The following RAPGEF2 variants were observed in gnomAD, a reference collection of about 807,000 sequenced individuals.
RAPGEF2 encodes PDZ domain containing guanine nucleotide exchange factor (GEF) 1.
RAPGEF2 carries 54 observed loss-of-function variants against 186.7 expected under a neutral mutation model. The observed-to-expected ratio is 0.29, with a 90% CI of 0.23 to 0.36. The LOEUF is 0.36. RAPGEF2 is among the 10% of genes least tolerant of loss of function. The pLI is 1.00. For synonymous variants in RAPGEF2, 712 were observed against 705.9 expected (o/e 1.01, Z -0.14); for missense variants, 1,532 against 2,045.0 (o/e 0.75, Z 4.84).
At chr4:159,183,929 C>G (rs557236133) in intron 1 of RAPGEF2, among the ~76,000 whole-genome samples, 1 of 152,202 alleles carries the variant, frequency 6.6e-6, no homozygotes, top group South Asian at 2.1e-4. Flanking sequence ...GTGTGATGTT[C>G]CCCACCCTGT....
intron 7 of RAPGEF2, among the ~76,000 whole-genome samples, chr4:159,247,873 C>G (rs896938288): frequency 6.7e-6 from 1 of 148,206 alleles, no homozygotes; most frequent in Non-Finnish European, 1.5e-5. Context: ...AGCGATTCTC[C>G]TGCCTCAGCC....
At chr4:159,152,782 T>G (rs558857870) in intron 1 of RAPGEF2, among the ~76,000 whole-genome samples, 1 of 152,278 alleles carries the variant, frequency 6.6e-6, no homozygotes, top group African/African-American at 2.4e-5. Context: ...CACGCCTGGC[T>G]AATTTTTTTT....
intron 4 of RAPGEF2, among the ~76,000 whole-genome samples, chr4:159,227,163 G>T (rs1406314842): frequency 6.6e-6 from 1 of 152,166 alleles, no homozygotes; most frequent in Non-Finnish European, 1.5e-5. Flanking sequence ...AATATCAGAT[G>T]TTTAGTTCTG....
chr4:159,250,723 T>C (rs948183245), intron 7 of RAPGEF2, among the ~76,000 whole-genome samples: 2 of 144,040 alleles, frequency 1.4e-5, no homozygotes, highest in African/African-American at 5.3e-5. Flanking sequence ...CAAGCTGGAG[T>C]GCAGTGGCGT....
At chr4:159,233,675 A>G (rs1267063479) in intron 4 of RAPGEF2, among the ~76,000 whole-genome samples, 1 of 152,160 alleles carries the variant, frequency 6.6e-6, no homozygotes. Context: ...TGCAGCGTAT[A>G]CTGCTTGGAT....
intron 3 of RAPGEF2, among the ~76,000 whole-genome samples, chr4:159,204,481 A>T (rs968501608): frequency 1.3e-5 from 2 of 152,162 alleles, no homozygotes; most frequent in Admixed American, 6.5e-5. Flanking sequence ...CCTCATGCCC[A>T]TTATTCTTTG....
At chr4:159,196,638 T>C (rs962032458) in intron 3 of RAPGEF2, among the ~76,000 whole-genome samples, 2 of 152,252 alleles carry the variant, frequency 1.3e-5, no homozygotes, top group Non-Finnish European at 2.9e-5. Flanking sequence ...TACAGTAACC[T>C]GTACAGAGTG....
chr4:159,154,384 T>G (rs2111199412), intron 1 of RAPGEF2, among the ~76,000 whole-genome samples: 1 of 152,300 alleles, frequency 6.6e-6, no homozygotes, highest in South Asian at 2.1e-4. Context: ...TGTTTACATC[T>G]ATTGAAATCC....
intron 25 of RAPGEF2, among the ~76,000 whole-genome samples, chr4:159,347,808 G>C (rs1240952436): frequency 6.6e-6 from 1 of 152,082 alleles, no homozygotes; most frequent in Non-Finnish European, 1.5e-5. Flanking sequence ...AGAACATCTA[G>C]TAGTTTAGCC....
intron 6 of RAPGEF2, 147 bp downstream of exon 6, chr4:159,241,515 ATTTG>A (rs1013392539): frequency 1.6e-5 from 4 of 247,618 alleles, no homozygotes; most frequent in African/African-American, 4.6e-5. Flanking sequence ...ATTTATTTTT[ATTTG>A]TTATATTAAT....
chr4:159,135,656 A>G (rs1030526879), intron 1 of RAPGEF2, among the ~76,000 whole-genome samples: 5 of 151,888 alleles, frequency 3.3e-5, no homozygotes, highest in African/African-American at 7.3e-5. Flanking sequence ...CTAGAGTGCA[A>G]TGGCATGATC....
At chr4:159,220,615 C>A (rs1751440255) in intron 4 of RAPGEF2, among the ~76,000 whole-genome samples, 1 of 152,186 alleles carries the variant, frequency 6.6e-6, no homozygotes, top group Admixed American at 6.5e-5. Context: ...TTTGTCTAAG[C>A]TGTTCTGTCT....
intron 7 of RAPGEF2, among the ~76,000 whole-genome samples, chr4:159,245,714 G>A (rs1304630555): frequency 6.6e-6 from 1 of 152,054 alleles, no homozygotes; most frequent in Non-Finnish European, 1.5e-5. Flanking sequence ...AGTGACGTGG[G>A]AAGCTGGCAC....
chr4:159,184,635 G>T (rs935995211), intron 1 of RAPGEF2, among the ~76,000 whole-genome samples: 1 of 152,120 alleles, frequency 6.6e-6, no homozygotes. Context: ...GTAGATTCTG[G>T]ATATTAGCCC....
chr4:159,163,941 G>T (rs1163288695), intron 1 of RAPGEF2, among the ~76,000 whole-genome samples: 1 of 151,940 alleles, frequency 6.6e-6, no homozygotes, highest in Admixed American at 6.5e-5. Flanking sequence ...TACTTGTGAG[G>T]TTTCATAAAA....
intron 1 of RAPGEF2, among the ~76,000 whole-genome samples, chr4:159,163,498 T>A (rs1744940223): frequency 6.6e-6 from 1 of 152,226 alleles, no homozygotes; most frequent in Non-Finnish European, 1.5e-5. Context: ...AAGAGCACTC[T>A]AAATATAAGC....
Position 159,104,210 on chromosome 4 carries a change from T to TGGGGG in RAPGEF2, c.48_49insGGGGG (p.Pro17GlyfsTer13). 2 of 1,302,456 alleles carry TGGGGG rather than the reference T, an allele frequency of 1.5e-6. No individual in the cohort carries two copies. The highest frequency in any genetic ancestry group is 9.9e-7 in the Non-Finnish European group (1 of 1,005,494). 80.7% of individuals were successfully genotyped at this position (1,302,456 alleles called of 1,614,324 possible). On this transcript the variant is annotated frameshift_variant, in exon 1 of 30. Transcript: ENST00000691494. LOFTEE classifies it high-confidence loss of function. ...GCTTCCGCCAGGCGGTGATGAAGAA[T>TGGGGG]CCCCCCGAAAGGACCCCCCAGGTGA...
chr4:159,346,858 C>T lies in RAPGEF2; in HGVS notation c.3572C>T (p.Ser1191Leu). The change falls in exon 25 of 30, where the codon TCA (serine) becomes TTA (leucine). Residue 1191 changes from serine (S) to leucine (L), a missense_variant. Transcript: ENST00000691494. ...ETSPVAPRAG[S>L]QQKAQSLPQP... ...TCTCCAGTAGCTCCAAGGGCAGGGT[C>T]ACAACAGAAAGCTCAGTCCCTGCCA... 2 of 1,614,172 alleles carry T rather than the reference C, an allele frequency of 1.2e-6. No individual in the cohort carries two copies. Among genetic ancestry groups the T allele is most frequent in the Non-Finnish European group, 8.5e-7 (1 of 1,180,022 alleles).
chr4:159,258,752 A>G (rs1340847049), intron 7 of RAPGEF2, among the ~76,000 whole-genome samples: 3 of 152,224 alleles, frequency 2.0e-5, no homozygotes, highest in East Asian at 3.8e-4. Flanking sequence ...GGTCTCAGCA[A>G]TACCCTGGTT....
Sources: gnomAD v4.1 joint callset for allele counts (sites outside exome capture counted in the v4.1 genomes callset) on GRCh38, gnomAD v4.1.1 for gene constraint, MANE v1.5 for transcripts, NCBI Gene and HGNC (gene_info 2026-07-23, HGNC 2026-07-21) for gene names.